The following PCNX2 variants were observed in gnomAD, a reference collection of about 807,000 sequenced individuals.
The protein encoded by PCNX2 is pecanex 2, also known as pecanex-like protein 2.
A neutral mutation model predicts 223.8 loss-of-function variants in PCNX2; 168 were observed. That is an observed-to-expected ratio of 0.75 (90% CI 0.66 to 0.85). The LOEUF is 0.85. Among genes scored for constraint, PCNX2 ranks in the 40% least tolerant of loss-of-function variants. The probability of loss-of-function intolerance (pLI) is 0.00; values close to 1 mark genes in which losing one functional copy is unlikely to be tolerated. For missense variants in PCNX2, 2,507 were observed against 2,675.5 expected (o/e 0.94, Z 1.39); for synonymous variants, 1,006 against 1,052.6 (o/e 0.96, Z 0.86).
At chr1:233,038,095 A>G (rs7522697) in intron 25 of PCNX2, among the ~76,000 whole-genome samples, 19,270 of 152,202 alleles carry the variant, frequency 0.13, 2,368 homozygotes, top group African/African-American at 0.32. Context: ...TTCTTTTATC[A>G]CACACTGTCT....
chr1:233,318,473 T>C, the PCNX2 span, among the ~76,000 whole-genome samples: 11 of 151,930 alleles, frequency 7.2e-5, no homozygotes, highest in African/African-American at 1.4e-4. Context: ...GGTGAACCCA[T>C]AATCATTGTT....
chr1:233,165,623 A>G (rs1431498389), intron 17 of PCNX2, among the ~76,000 whole-genome samples: 2 of 152,228 alleles, frequency 1.3e-5, no homozygotes, highest in Non-Finnish European at 2.9e-5. Flanking sequence ...TAATAGCACT[A>G]AAAGTATATT....
chr1:233,213,814 CTCT>C (rs1681961734), intron 12 of PCNX2, among the ~76,000 whole-genome samples: 4 of 128,092 alleles, frequency 3.1e-5, no homozygotes, highest in South Asian at 2.7e-4. Context: ...GCCCAGTGCA[CTCT>C]TTTTTTTTTT....
rs1571952492 is a variant in PCNX2 at position 233,139,985 on chromosome 1, C to T, written c.3518-130G>A. 3.6e-6 allele frequency: 4 copies of T among 1,122,104 alleles called. No homozygotes were observed. In the South Asian group the frequency reaches 5.3e-5, roughly 15 times the overall value. 69.5% of individuals were successfully genotyped at this position (1,122,104 alleles called of 1,614,324 possible). On this transcript the variant is annotated intron_variant, in intron 19 of 33. Coordinates refer to ENST00000258229, the MANE Select transcript of PCNX2 (RefSeq NM_014801.4). The surrounding 1 kb of genome is among the most constrained non-coding windows in gnomAD (Gnocchi z 4.4). ...CTAATTAAGAACTCGTGATACTAGACATGATATACCATTTTTTTCCAGGCA... is the reference window on the plus strand; with the variant it reads ...CTAATTAAGAACTCGTGATACTAGATATGATATACCATTTTTTTCCAGGCA...
At chr1:233,325,483 C>G in the PCNX2 span, among the ~76,000 whole-genome samples, 9 of 142,152 alleles carry the variant, frequency 6.3e-5, no homozygotes, top group African/African-American at 2.4e-4. Flanking sequence ...ACAGTGAAAC[C>G]CTGTCTCTAC....
At chr1:233,025,566 A>C in intron 25 of PCNX2, 167 bp from the exon 26 acceptor site, 5 of 781,020 alleles carry the variant, frequency 6.4e-6, no homozygotes, top group Non-Finnish European at 6.0e-6. Flanking sequence ...CACAATTCTC[A>C]TAATCATGAA....
At position 233,272,307 on chromosome 1, in the gene PCNX2, AC is replaced by A. The variant is rs1332161800; in HGVS notation, c.154-9145del. ...AACAATTAGCAAGAAAAAAAAAAAA[AC>A]GATCCCATCAAAAAATGGGCTAAGA... On this transcript the variant is annotated intron_variant, in intron 1 of 33. Coordinates refer to ENST00000258229, the MANE Select transcript of PCNX2 (RefSeq NM_014801.4). Among the ~76,000 whole-genome samples, 96 of 146,146 alleles carry A rather than the reference AC, an allele frequency of 6.6e-4. 1 individual carries two copies. Among genetic ancestry groups the A allele is most frequent in the African/African-American group, 2.0e-3 (81 of 41,002 alleles).
Position 233,295,720 on chromosome 1 carries a change from A to G in PCNX2, c.-242T>C. The G allele has an allele frequency of 2.6e-6, 1 of 385,026 alleles. No individual in the cohort carries two copies. The highest frequency in any genetic ancestry group is 4.5e-6 in the Non-Finnish European group (1 of 223,822). The allele number at this position is 385,026 out of a possible 1,614,324, so 23.9% of individuals were successfully genotyped here. A position where few individuals can be genotyped will look rare whatever the true frequency, so the allele number is the denominator to read the frequency against. The stretch of plus-strand genomic sequence containing the variant: ...GCCGGGCAGGTGAGCGCCATGTCCG[A>G]GGGAGGAAGGATTTTCCCATCGTGC... On this transcript the variant is annotated 5_prime_UTR_variant, in exon 1 of 34. Transcript: ENST00000258229. The surrounding 1 kb of genome is among the most constrained non-coding windows in gnomAD (Gnocchi z 4.1).
intron 28 of PCNX2, among the ~76,000 whole-genome samples, chr1:233,013,884 C>T (rs769655611): frequency 1.3e-5 from 2 of 152,138 alleles, no homozygotes; most frequent in East Asian, 1.9e-4. Context: ...GAGGTTTTAA[C>T]GTGCACGTGG....
intron 1 of PCNX2, among the ~76,000 whole-genome samples, chr1:233,267,499 C>A (rs1660402657): frequency 6.6e-6 from 1 of 152,076 alleles, no homozygotes; most frequent in South Asian, 2.1e-4. Flanking sequence ...TGAAACTGTA[C>A]CCATTAAACA....
At chr1:233,039,262 C>T (rs1324733041) in intron 25 of PCNX2, among the ~76,000 whole-genome samples, 1 of 152,096 alleles carries the variant, frequency 6.6e-6, no homozygotes, top group Non-Finnish European at 1.5e-5. Context: ...TCCCTCTGTT[C>T]CTTCCCTCTC....
At chr1:233,074,311 G>A (rs996203748) in intron 23 of PCNX2, among the ~76,000 whole-genome samples, 8 of 152,062 alleles carry the variant, frequency 5.3e-5, no homozygotes, top group African/African-American at 1.2e-4. Context: ...TTAAGAGGAC[G>A]AGGCCGGGCG....
At chr1:233,260,729 T>C (rs900711714) in intron 4 of PCNX2, among the ~76,000 whole-genome samples, 1 of 151,046 alleles carries the variant, frequency 6.6e-6, no homozygotes, top group Non-Finnish European at 1.5e-5. Flanking sequence ...GAAAAGAAAA[T>C]AGAATTGCAG....
intron 9 of PCNX2, 80 bp from the exon 10 acceptor site, chr1:233,227,451 T>G: frequency 8.2e-7 from 1 of 1,216,620 alleles, no homozygotes; most frequent in Non-Finnish European, 1.1e-6. Context: ...TATATATGTA[T>G]ACACACACAC....
rs555815822 is a variant in PCNX2, at chr1:233,123,490, G to A, written c.3837+11523C>T. On this transcript the variant is annotated intron_variant, in intron 21 of 33. Coordinates refer to ENST00000258229, the MANE Select transcript of PCNX2 (RefSeq NM_014801.4). ...CCAACTACTCGGGAGGCTGAGGCAG[G>A]AGAATCACTTGAACCCAGGAGGCGG... Among the ~76,000 whole-genome samples the A allele has an allele frequency of 7.4e-4, 113 of 152,084 alleles. 3 individuals are homozygous for A. Among genetic ancestry groups the A allele is most frequent in the Non-Finnish European group, 1.0e-4 (7 of 68,006 alleles).
chr1:233,117,563 T>C (rs936667861), intron 21 of PCNX2, among the ~76,000 whole-genome samples: 2 of 145,552 alleles, frequency 1.4e-5, no homozygotes, highest in African/African-American at 5.1e-5. Flanking sequence ...ATCGCGCCAC[T>C]GGACTACAGC....
intron 21 of PCNX2, chr1:233,112,916 T>C (rs1167075797): frequency 1.6e-6 from 2 of 1,289,224 alleles, no homozygotes; most frequent in Non-Finnish European, 2.0e-6. Context: ...CTGCAGTAAC[T>C]TGCATGGTTT....
chr1:233,030,545 C>A (rs1426079529), intron 25 of PCNX2, among the ~76,000 whole-genome samples: 1 of 152,134 alleles, frequency 6.6e-6, no homozygotes, highest in Non-Finnish European at 1.5e-5. Flanking sequence ...TTAAAAGAGC[C>A]ATGTTCTGTC....
At chr1:233,214,800 T>C (rs1682023896) in intron 12 of PCNX2, among the ~76,000 whole-genome samples, 1 of 152,204 alleles carries the variant, frequency 6.6e-6, no homozygotes. Flanking sequence ...TCAAACTAAT[T>C]TCTTTTGAGC....
Sources: allele counts gnomAD v4.1 joint callset (sites outside exome capture counted in the v4.1 genomes callset), GRCh38; gene constraint gnomAD v4.1.1; non-coding constraint Gnocchi (gnomAD v3.1); transcripts MANE v1.5; gene names NCBI Gene and HGNC (gene_info 2026-07-23, HGNC 2026-07-21).